PCM1: variants seen among roughly 807,000 people sequenced by gnomAD.
PCM1 encodes the protein pericentriolar material 1 protein.
Under a neutral mutation model 241.9 loss-of-function variants are expected in PCM1, and 157 were observed. The observed-to-expected ratio is 0.65, with a 90% CI of 0.57 to 0.74. PCM1 has a LOEUF of 0.74. PCM1 is among the 30% of genes least tolerant of loss of function. PCM1 has a pLI of 0.00. For synonymous variants in PCM1, 1,085 were observed against 784.9 expected (o/e 1.38, Z -6.39); for missense variants, 3,478 against 2,360.1 (o/e 1.47, Z -9.81).
intron 36 of PCM1, among the ~76,000 whole-genome samples, chr8:18,018,560 C>G (rs975343313): frequency 6.6e-6 from 1 of 152,176 alleles, no homozygotes; most frequent in African/African-American, 2.4e-5. Context: ...CACCTTTAAT[C>G]CCAGCACTTT....
At chr8:17,994,716 T>TATAGTTTTCATTGTAGAGATCTTTCAC (rs1564250897) in intron 29 of PCM1, among the ~76,000 whole-genome samples, 2 of 151,786 alleles carry the variant, frequency 1.3e-5, no homozygotes, top group African/African-American at 4.9e-5. Context: ...TTGCCTGTCT[T>TATAGTTTTCATTGTAGAGATCTTTCAC]TGGGATAAGT....
At chr8:17,986,298 G>T (rs545909245) in intron 26 of PCM1, 1 of 352,600 alleles carries the variant, frequency 2.8e-6, no homozygotes, top group Admixed American at 4.5e-5. Flanking sequence ...ATGTATGTAT[G>T]ATAGATTATG....
chr8:17,936,400 C>A (rs981918948), intron 3 of PCM1, among the ~76,000 whole-genome samples: 2 of 152,018 alleles, frequency 1.3e-5, no homozygotes, highest in Non-Finnish European at 2.9e-5. Flanking sequence ...AAAGAATTTT[C>A]CAGTTGGATA....
chr8:18,027,591 G>GTAA, intron 38 of PCM1, 46 bp from the exon 39 acceptor site: 1 of 1,376,654 alleles, frequency 7.3e-7, no homozygotes, highest in Non-Finnish European at 1.0e-6. Context: ...TTAAATTCTA[G>GTAA]TAATTCGATA....
At chr8:18,005,144 A>G (rs981235681) in intron 29 of PCM1, among the ~76,000 whole-genome samples, 4 of 152,058 alleles carry the variant, frequency 2.6e-5, no homozygotes, top group African/African-American at 7.2e-5. Context: ...AGCTCCTTAG[A>G]GCACCTAGTG....
At chr8:18,020,241 G>A (rs985884133) in intron 36 of PCM1, among the ~76,000 whole-genome samples, 1 of 152,144 alleles carries the variant, frequency 6.6e-6, no homozygotes, top group African/African-American at 2.4e-5. Context: ...CTTATTATAC[G>A]TTACAGTTAA....
At position 17,957,683 on chromosome 8, in the gene PCM1, C is replaced by A. The variant is rs774889850; in HGVS notation, c.1948C>A (p.Pro650Thr). The A allele has an allele frequency of 6.2e-7, 1 of 1,611,376 alleles. No individual in the cohort carries two copies. The highest frequency in any genetic ancestry group is 2.2e-5 in the East Asian group (1 of 44,808). Residue 650 changes from proline to threonine, a missense_variant, in exon 13 of 39, where the codon CCA becomes ACA. By Grantham distance (38) the Pro-to-Thr change is conservative. Transcript: ENST00000325083. ...SHRSSLVDEH[P>T]EDAEFEQKIN... Reference sequence around the variant, plus strand: ...CAGGAGCAGTCTGGTTGATGAGCATCCAGAAGATGCTGAATTTGAACAGAA... The same window carrying A: ...CAGGAGCAGTCTGGTTGATGAGCATACAGAAGATGCTGAATTTGAACAGAA...
Position 17,937,302 on chromosome 8 carries a change from A to C in PCM1, c.265A>C (p.Met89Leu). ...TPHTFPHSRY[M>L]SQMSVPEQAE... ...ACATACGTTCCCACACAGTAGATAC[A>C]TGAGTCAGATGTCTGTCCCAGAGCA... The change falls in exon 4 of 39, where the codon ATG (methionine) becomes CTG (leucine). Residue 89 changes from methionine to leucine, a missense_variant. Met to Leu is a conservative substitution (Grantham distance 15). Coordinates refer to ENST00000325083, the MANE Select transcript of PCM1 (RefSeq NM_006197.4). 6.2e-7 allele frequency: 1 copy of C among 1,609,452 alleles called. No individual in the cohort carries two copies. The highest frequency in any genetic ancestry group is 1.1e-5 in the South Asian group (1 of 90,396).
chr8:17,988,556 CAAAA>C (rs1376128454), intron 26 of PCM1, among the ~76,000 whole-genome samples: 4 of 151,684 alleles, frequency 2.6e-5, no homozygotes, highest in Non-Finnish European at 5.9e-5. Context: ...TTAGACTTAA[CAAAA>C]ATAGGAATTT....
In PCM1 at chr8:17,964,620, G is replaced by C; in HGVS notation, c.2707G>C (p.Asp903His). Residue 903 changes from aspartate (D) to histidine (H), a missense_variant, in exon 18 of 39, where the codon GAT becomes CAT. Asp to His is a moderately conservative substitution (Grantham distance 81, BLOSUM62 -1). Transcript: ENST00000325083. ...STQCALDEEG[D>H]EDGYLSEGIV... ...CCAGTGTGCACTAGATGAAGAAGGAGATGAAGACGGTTACCTTTCTGAAGG... is the reference window on the plus strand; with the variant it reads ...CCAGTGTGCACTAGATGAAGAAGGACATGAAGACGGTTACCTTTCTGAAGG... 2.5e-6 allele frequency: 4 copies of C among 1,613,868 alleles called. No individual in the cohort carries two copies. The highest frequency in any genetic ancestry group is 3.4e-6 in the Non-Finnish European group (4 of 1,179,826).
rs561523952 is a variant in PCM1 at position 17,944,208 on chromosome 8, C to T, written c.784-2978C>T. Among the ~76,000 whole-genome samples the T allele has an allele frequency of 1.2e-4, 18 of 152,246 alleles. 1 individual carries two copies. The highest frequency in any genetic ancestry group is 6.5e-4 in the Admixed American group (10 of 15,308). On this transcript the variant is annotated intron_variant, in intron 6 of 38. Transcript: ENST00000325083. The stretch of plus-strand genomic sequence containing the variant: ...CCTGTCTTTTAAACCAGCTATGGTT[C>T]TTCAGACATGATGTCTTATACTTCT...
chr8:17,950,906 C>T (rs574173784), intron 8 of PCM1, among the ~76,000 whole-genome samples, 182 bp downstream of exon 8: 6 of 152,350 alleles, frequency 3.9e-5, no homozygotes, highest in South Asian at 2.1e-4. Flanking sequence ...GGCTTCTCCA[C>T]GTCTCAGTCC....
chr8:17,983,761 A>C (rs1227016931), intron 24 of PCM1, among the ~76,000 whole-genome samples: 2 of 152,188 alleles, frequency 1.3e-5, no homozygotes, highest in Non-Finnish European at 2.9e-5. Flanking sequence ...TTTAGTCTCT[A>C]ATATAAGTAT....
intron 2 of PCM1, chr8:17,934,862 G>A (rs2059997482): frequency 2.0e-5 from 3 of 152,118 alleles, no homozygotes; most frequent in Admixed American, 2.0e-4. Context: ...GACCCAGGTA[G>A]GAAATTCAGT....
intron 36 of PCM1, chr8:18,025,055 T>C (rs1287835079): frequency 4.2e-6 from 1 of 239,804 alleles, no homozygotes; most frequent in African/African-American, 2.3e-5. Context: ...AGTAAACATA[T>C]GAAAAAACAA....
At chr8:17,960,999 T>C (rs185971773) in intron 15 of PCM1, among the ~76,000 whole-genome samples, 1 of 152,316 alleles carries the variant, frequency 6.6e-6, no homozygotes, top group East Asian at 1.9e-4. Flanking sequence ...TGTGTACTCA[T>C]AACTGTTTAT....
At chr8:17,986,254 T>C (rs924879946) in intron 26 of PCM1, 167 bp downstream of exon 26, 6 of 461,594 alleles carry the variant, frequency 1.3e-5, no homozygotes, top group African/African-American at 6.1e-5. Context: ...AGATATAATA[T>C]GCAATCAAAA....
chr8:17,949,269 A>G (rs532568102), intron 7 of PCM1, among the ~76,000 whole-genome samples: 1 of 152,266 alleles, frequency 6.6e-6, no homozygotes, highest in African/African-American at 2.4e-5. Flanking sequence ...TATTTAATCT[A>G]GTATATGAGA....
chr8:17,938,605 C>G, intron 4 of PCM1, 135 bp from the exon 5 acceptor site: 1 of 624,954 alleles, frequency 1.6e-6, no homozygotes, highest in Non-Finnish European at 2.8e-6. Flanking sequence ...AAAGCTCTTT[C>G]AGGTCTTAGT....
Sources: gnomAD v4.1 joint callset for allele counts (sites outside exome capture counted in the v4.1 genomes callset) on GRCh38, gnomAD v4.1.1 for gene constraint, MANE v1.5 for transcripts, NCBI Gene and HGNC (gene_info 2026-07-23, HGNC 2026-07-21) for gene names.